Variants in TBC1D22A observed in about 807,000 individuals in gnomAD.
TBC1D22A encodes the protein putative GTPase activator.
TBC1D22A carries 38 observed loss-of-function variants against 60.2 expected under a neutral mutation model. That is an observed-to-expected ratio of 0.63 (90% CI 0.49 to 0.83). The LOEUF is 0.83. Among genes scored for constraint, TBC1D22A ranks in the 40% least tolerant of loss-of-function variants. The pLI is 0.00. For synonymous variants in TBC1D22A, 302 were observed against 281.7 expected (o/e 1.07, Z -0.72); for missense variants, 628 against 701.0 (o/e 0.90, Z 1.18).
chr22:46,928,549 C>T (rs2071176447), intron 8 of TBC1D22A, among the ~76,000 whole-genome samples: 1 of 152,010 alleles, frequency 6.6e-6, no homozygotes, highest in Non-Finnish European at 1.5e-5. Context: ...GCAAAAGGGA[C>T]AAAGGATAGA....
intron 10 of TBC1D22A, among the ~76,000 whole-genome samples, chr22:47,013,776 C>G (rs910318831): frequency 2.0e-5 from 3 of 152,226 alleles, no homozygotes; most frequent in Non-Finnish European, 4.4e-5. Flanking sequence ...CTACTCCTCT[C>G]TACCCCCTCG....
chr22:47,050,799 G>A (rs984977521), intron 11 of TBC1D22A, among the ~76,000 whole-genome samples: 1 of 152,164 alleles, frequency 6.6e-6, no homozygotes, highest in Non-Finnish European at 1.5e-5. Flanking sequence ...TGGAGGTGGG[G>A]GGATGGTGAG....
chr22:46,898,767 G>C (rs1219670677), intron 7 of TBC1D22A, among the ~76,000 whole-genome samples: 1 of 152,114 alleles, frequency 6.6e-6, no homozygotes, highest in Non-Finnish European at 1.5e-5. Context: ...ATTTCCTTGT[G>C]GGCAAAATAT....
rs1422891692 is a variant in TBC1D22A at position 47,173,558 on chromosome 22, C to T, written c.1486C>T (p.Leu496=). The T allele has an allele frequency of 1.9e-6, 3 of 1,614,172 alleles. No homozygotes were observed. The highest frequency in any genetic ancestry group is 2.5e-6 in the Non-Finnish European group (3 of 1,180,032). Residue 496 remains leucine (L), a synonymous_variant, in exon 13 of 13, where the codon CTG becomes TTG. Coordinates refer to ENST00000337137, the MANE Select transcript of TBC1D22A (RefSeq NM_014346.5). The part of the protein sequence containing the change: ...TAHWDDEDIS[L]LLAEAYRLKF... ...CCACTGGGATGATGAGGACATCAGC[C>T]TGTTGCTGGCCGAGGCCTACCGCCT... is the stretch of plus-strand genomic sequence containing the variant.
intron 5 of TBC1D22A, among the ~76,000 whole-genome samples, chr22:46,881,408 C>T (rs1335898448): frequency 1.3e-5 from 2 of 152,190 alleles, no homozygotes; most frequent in East Asian, 3.8e-4. Context: ...CCCCTCCAAC[C>T]CCGACAGACC....
chr22:47,118,105 AGAGT>A (rs2066135434), intron 12 of TBC1D22A, among the ~76,000 whole-genome samples: 1 of 152,144 alleles, frequency 6.6e-6, no homozygotes, highest in African/African-American at 2.4e-5. Context: ...CCGGGGCGAC[AGAGT>A]GAGACTCCGT....
chr22:47,138,583 C>G (rs1479725431), intron 12 of TBC1D22A, among the ~76,000 whole-genome samples: 1 of 152,254 alleles, frequency 6.6e-6, no homozygotes, highest in African/African-American at 2.4e-5. Flanking sequence ...TTGGCAAAGG[C>G]CGTCCTTGGA....
chr22:47,027,630 A>G (rs970024983), intron 10 of TBC1D22A, among the ~76,000 whole-genome samples: 4 of 152,152 alleles, frequency 2.6e-5, no homozygotes, highest in African/African-American at 9.7e-5. Context: ...AAATTATAAA[A>G]CTTCTGCAAG....
chr22:46,846,877 C>G (rs2087020621), intron 4 of TBC1D22A, among the ~76,000 whole-genome samples: 1 of 152,206 alleles, frequency 6.6e-6, no homozygotes, highest in South Asian at 2.1e-4. Context: ...GACATCCTGT[C>G]ATTTCCCCTT....
chr22:47,050,692 G>A (rs553582662), intron 11 of TBC1D22A, among the ~76,000 whole-genome samples: 1 of 152,026 alleles, frequency 6.6e-6, no homozygotes, highest in Admixed American at 6.5e-5. Flanking sequence ...GATGGGTGGG[G>A]CCCGGAGTCA....
chr22:47,119,323 T>G (rs1040840358), intron 12 of TBC1D22A, among the ~76,000 whole-genome samples: 28 of 152,154 alleles, frequency 1.8e-4, no homozygotes, highest in African/African-American at 6.3e-4. Flanking sequence ...AGCAGCAGGC[T>G]TGGCACTCCG....
At chr22:46,818,430 G>A (rs1357552933) in intron 4 of TBC1D22A, among the ~76,000 whole-genome samples, 1 of 152,208 alleles carries the variant, frequency 6.6e-6, no homozygotes, top group South Asian at 2.1e-4. Context: ...TTTGTTTAAG[G>A]TATAAGGAAG....
At chr22:46,950,723 G>A (rs532480782) in intron 8 of TBC1D22A, among the ~76,000 whole-genome samples, 5 of 152,312 alleles carry the variant, frequency 3.3e-5, no homozygotes, top group African/African-American at 1.2e-4. Context: ...CGAATGACGG[G>A]TGAGTGTGGA....
chr22:46,791,183 C>A (rs568791522), intron 1 of TBC1D22A, among the ~76,000 whole-genome samples: 1 of 152,246 alleles, frequency 6.6e-6, no homozygotes, highest in East Asian at 1.9e-4. Context: ...CACGCCCAGC[C>A]AATTTTTTTG....
At chr22:46,954,941 T>C (rs888940572) in intron 8 of TBC1D22A, among the ~76,000 whole-genome samples, 46 of 152,246 alleles carry the variant, frequency 3.0e-4, no homozygotes, top group African/African-American at 1.1e-3. Context: ...TGATATTTTA[T>C]TGAACCACAA....
intron 12 of TBC1D22A, among the ~76,000 whole-genome samples, chr22:47,139,891 C>T (rs78096288): frequency 0.027 from 4,102 of 152,328 alleles, 86 homozygotes; most frequent in Non-Finnish European, 0.039. Context: ...GGACCTGTTG[C>T]GAAGTCCACA....
intron 4 of TBC1D22A, among the ~76,000 whole-genome samples, chr22:46,865,110 T>C (rs2066989372): frequency 6.6e-6 from 1 of 152,234 alleles, no homozygotes; most frequent in Non-Finnish European, 1.5e-5. Flanking sequence ...CATTGGCTCC[T>C]CAGCACCTGT....
At chr22:46,984,492 C>A (rs951242619) in intron 9 of TBC1D22A, among the ~76,000 whole-genome samples, 1 of 148,768 alleles carries the variant, frequency 6.7e-6, no homozygotes, top group East Asian at 2.0e-4. Flanking sequence ...TCACTAACAG[C>A]ACTCATGCCA....
At chr22:47,165,520 GGAGCAGGCATGTCGCCTGCCTGGCTCTA>G (rs376103215) in intron 12 of TBC1D22A, among the ~76,000 whole-genome samples, 1,827 of 152,222 alleles carry the variant, frequency 0.012, 32 homozygotes, top group African/African-American at 0.041. Context: ...GCTGGGCTCT[GGAGCAGGCATGTCGCCTGCCTGGCTCTA>G]GAGCAGGCAT....
Sources: gnomAD v4.1 joint callset for allele counts (sites outside exome capture counted in the v4.1 genomes callset) on GRCh38, gnomAD v4.1.1 for gene constraint, MANE v1.5 for transcripts, NCBI Gene and HGNC (gene_info 2026-07-23, HGNC 2026-07-21) for gene names.